The following SNX9 variants were observed in gnomAD, a reference collection of about 807,000 sequenced individuals.
The protein encoded by SNX9 is sorting nexin 9.
In SNX9, 44 loss-of-function variants were observed where a neutral mutation model predicts 89.4. The ratio of observed to expected loss-of-function variants is 0.49; its 90% CI spans 0.39 to 0.63. The LOEUF is 0.63. Among genes scored for constraint, SNX9 ranks in the 30% least tolerant of loss-of-function variants. SNX9 has a pLI of 0.00. For synonymous variants in SNX9, 236 were observed against 247.8 expected, an observed-to-expected ratio of 0.95 and a Z score of 0.45; for missense variants, 578 against 736.1, an observed-to-expected ratio of 0.79 and a Z score of 2.49.
At chr6:157,899,783 A>G (rs866450424) in intron 5 of SNX9, among the ~76,000 whole-genome samples, 3 of 152,112 alleles carry the variant, frequency 2.0e-5, no homozygotes, top group Non-Finnish European at 4.4e-5. Flanking sequence ...CAAAAAAAAA[A>G]TTATCTATAT....
intron 1 of SNX9, among the ~76,000 whole-genome samples, chr6:157,847,305 G>A (rs1781824368): frequency 6.6e-6 from 1 of 152,044 alleles, no homozygotes; most frequent in Non-Finnish European, 1.5e-5. Context: ...GTTTTGCCAT[G>A]TTGCCCAGAC....
At chr6:157,907,492 G>A (rs181432075) in intron 7 of SNX9, among the ~76,000 whole-genome samples, 45 of 152,176 alleles carry the variant, frequency 3.0e-4, no homozygotes, top group African/African-American at 1.1e-3. Context: ...CACCATATTG[G>A]CCAGGCTGGT....
rs1293603966 is a variant in SNX9, at chr6:157,843,225, A to G, written c.12+19779A>G. On this transcript the variant is annotated intron_variant, in intron 1 of 17. Coordinates refer to ENST00000392185, the MANE Select transcript of SNX9 (RefSeq NM_016224.5). ...AAGAATTGACGAAAATGAAAATTGA[A>G]AAAGAAATATAGCTGACCCTTGAAC... 2.6e-5 allele frequency among the ~76,000 whole-genome samples: 4 copies of G among 152,176 alleles called. 1 individual carries two copies. Among genetic ancestry groups the G allele is most frequent in the African/African-American group, 7.2e-5 (3 of 41,444 alleles).
At position 157,902,194 on chromosome 6, in the gene SNX9, T is replaced by G. The variant is rs1583226903; in HGVS notation, c.620+149T>G. On this transcript the variant is annotated intron_variant, in intron 6 of 17. Coordinates refer to ENST00000392185, the MANE Select transcript of SNX9 (RefSeq NM_016224.5). Reference sequence around the variant, plus strand: ...TGATTCAGTTATTTTTATTTGGATCTTAACTGAGAAGCTTACTTAAAAAAA... The same window carrying G: ...TGATTCAGTTATTTTTATTTGGATCGTAACTGAGAAGCTTACTTAAAAAAA... 5 of 586,504 alleles carry G rather than the reference T, an allele frequency of 8.5e-6. No homozygotes were observed. In the East Asian group the frequency reaches 1.7e-4, roughly 20 times the overall value. 36.3% of individuals were successfully genotyped at this position (586,504 alleles called of 1,614,324 possible). A position where few individuals can be genotyped will look rare whatever the true frequency, so the allele number is the denominator to read the frequency against.
At chr6:157,885,574 C>T (rs1782717683) in intron 4 of SNX9, among the ~76,000 whole-genome samples, 1 of 152,210 alleles carries the variant, frequency 6.6e-6, no homozygotes, top group African/African-American at 2.4e-5. Flanking sequence ...TATTTGCTTT[C>T]TATTCCTACT....
intron 1 of SNX9, among the ~76,000 whole-genome samples, chr6:157,864,054 C>T (rs1022696459): frequency 2.0e-5 from 3 of 151,670 alleles, no homozygotes; most frequent in African/African-American, 4.8e-5. Flanking sequence ...AGGAGATCTA[C>T]GACTGGGTAA....
In SNX9 at chr6:157,910,104, G is replaced by A. The variant is rs1251317649; in HGVS notation, c.949+79G>A. ...ATTATCTTCCTGTAAGTCAGTGATGGCATTTTCCATCCTGTAGAGCAGCAG... is the reference window on the plus strand; with the variant it reads ...ATTATCTTCCTGTAAGTCAGTGATGACATTTTCCATCCTGTAGAGCAGCAG... On this transcript the variant is annotated intron_variant, in intron 9 of 17. Transcript: ENST00000392185. 6 of 1,113,262 alleles carry A rather than the reference G, an allele frequency of 5.4e-6. No homozygotes were observed. In the African/African-American group the frequency reaches 7.7e-5, roughly 14 times the overall value. The allele number at this position is 1,113,262 out of a possible 1,614,324, so 69.0% of individuals were successfully genotyped here.
At chr6:157,865,988 A>C (rs1324747732) in intron 1 of SNX9, among the ~76,000 whole-genome samples, 2 of 152,226 alleles carry the variant, frequency 1.3e-5, no homozygotes, top group Non-Finnish European at 2.9e-5. Flanking sequence ...TCCTAGGCGC[A>C]TGTGATCCCC....
chr6:157,883,349 C>T (rs1782667330), intron 4 of SNX9, among the ~76,000 whole-genome samples: 1 of 152,192 alleles, frequency 6.6e-6, no homozygotes, highest in East Asian at 1.9e-4. Context: ...ACCAAACCCT[C>T]AGCATTGCTG....
chr6:157,881,080 A>G (rs1031128782), intron 4 of SNX9, among the ~76,000 whole-genome samples: 2 of 152,116 alleles, frequency 1.3e-5, no homozygotes, highest in African/African-American at 4.8e-5. Context: ...ATAATGCATT[A>G]TTTACAGATT....
intron 10 of SNX9, among the ~76,000 whole-genome samples, chr6:157,924,087 A>G (rs891336112): frequency 2.0e-5 from 3 of 152,154 alleles, no homozygotes; most frequent in Non-Finnish European, 4.4e-5. Context: ...AATCCCAGCT[A>G]CTTGGGAGGC....
intron 1 of SNX9, among the ~76,000 whole-genome samples, chr6:157,854,571 T>C (rs778529379): frequency 1.7e-4 from 26 of 152,238 alleles, no homozygotes; most frequent in Non-Finnish European, 1.9e-4. Context: ...TTATAACATT[T>C]TGAGGGATAT....
chr6:157,906,023 C>A, intron 6 of SNX9, 105 bp from the exon 7 acceptor site: 2 of 909,656 alleles, frequency 2.2e-6, no homozygotes, highest in South Asian at 1.6e-5. Flanking sequence ...CTAGTGCACC[C>A]GAAAGACAGG....
rs1442524794 is a variant in SNX9, at chr6:157,909,523, A to G, written c.706-142A>G. The G allele has an allele frequency of 1.4e-5, 14 of 979,134 alleles. No homozygotes were observed. In the African/African-American group the frequency reaches 2.1e-4, roughly 15 times the overall value. The allele number at this position is 979,134 out of a possible 1,614,324, so 60.7% of individuals were successfully genotyped here. A position where few individuals can be genotyped will look rare whatever the true frequency, so the allele number is the denominator to read the frequency against. ...TAACAGGAACAGAAACCATTGAACC[A>G]TTTATGTACCTTTCAAAGAGGAACA... On this transcript the variant is annotated intron_variant, in intron 7 of 17. Transcript: ENST00000392185.
chr6:157,831,044 A>G (rs572243810), intron 1 of SNX9, among the ~76,000 whole-genome samples: 1 of 152,314 alleles, frequency 6.6e-6, no homozygotes, highest in East Asian at 1.9e-4. Context: ...TTCTATTTCA[A>G]ATCTGCTTAT....
Position 157,938,667 on chromosome 6 carries a change from T to G in SNX9, c.1568T>G (p.Leu523Arg). ...GAAAAAGTGAAAGAAAGTGACAAACTAGTTGCAACAAGTAAAATCACCCTA... is the reference window on the plus strand; with the variant it reads ...GAAAAAGTGAAAGAAAGTGACAAACGAGTTGCAACAAGTAAAATCACCCTA... ...AIEKVKESDK[L>R]VATSKITLQD... Residue 523 changes from leucine to arginine, a missense_variant, in exon 16 of 18, where the codon CTA (leucine) becomes CGA (arginine). Leu to Arg is a moderately radical substitution (Grantham distance 102). This residue lies in a region of SNX9 where 348 missense variants were observed against 491.4 expected (regional missense o/e 0.71). Transcript: ENST00000392185. 1 of 1,613,976 alleles carries G rather than the reference T, an allele frequency of 6.2e-7. No individual in the cohort carries two copies. Among genetic ancestry groups the G allele is most frequent in the Non-Finnish European group, 8.5e-7 (1 of 1,179,902 alleles).
intron 17 of SNX9, 74 bp from the exon 18 acceptor site, chr6:157,942,717 T>A: frequency 6.8e-7 from 1 of 1,468,482 alleles, no homozygotes; most frequent in Non-Finnish European, 9.5e-7. Context: ...CTTGTTGGAG[T>A]TGTGAATAAA....
intron 4 of SNX9, among the ~76,000 whole-genome samples, chr6:157,883,918 TC>T (rs1198046810): frequency 2.0e-5 from 3 of 152,250 alleles, no homozygotes; most frequent in Admixed American, 6.5e-5. Context: ...TTTTTTCTAT[TC>T]CCAGTGACCT....
At position 157,836,676 on chromosome 6, in the gene SNX9, C is replaced by G. The variant is rs573142050; in HGVS notation, c.12+13230C>G. Among the ~76,000 whole-genome samples, 597 of 151,910 alleles carry G rather than the reference C, an allele frequency of 3.9e-3. 3 individuals carry two copies. Among genetic ancestry groups the G allele is most frequent in the African/African-American group, 0.014 (579 of 41,402 alleles). On this transcript the variant is annotated intron_variant, in intron 1 of 17. Transcript: ENST00000392185. ...CGCGATCTCAGCTCACTGCAAACTC[C>G]GCCTCCCAGGTTCACGCCATTTTCC...
Sources: allele counts gnomAD v4.1 joint callset (sites outside exome capture counted in the v4.1 genomes callset), GRCh38; gene constraint gnomAD v4.1.1; regional missense constraint gnomAD v4.1.1; transcripts MANE v1.5; gene names NCBI Gene and HGNC (gene_info 2026-07-23, HGNC 2026-07-21).